The following NRSN2 variants were observed in gnomAD, a reference collection of about 807,000 sequenced individuals.
NRSN2 encodes neurensin-2.
NRSN2 carries 10 observed loss-of-function variants against 11.1 expected under a neutral mutation model. The ratio of observed to expected loss-of-function variants is 0.90; its 90% CI spans 0.56 to 1.53. The LOEUF is 1.53. NRSN2 is among the 40% of genes most tolerant of loss of function. The pLI is 0.00. For synonymous variants in NRSN2, 100 were observed against 117.0 expected, an observed-to-expected ratio of 0.86 and a Z score of 0.94; for missense variants, 260 against 273.7, an observed-to-expected ratio of 0.95 and a Z score of 0.35.
intron 3 of NRSN2, 135 bp from the exon 4 acceptor site, chr20:349,501 CTG>C: frequency 3.1e-6 from 2 of 635,498 alleles, no homozygotes; most frequent in Non-Finnish European, 5.3e-6. Context: ...AAAGGCCAGA[CTG>C]TGCTATGCGT....
At chr20:352,964 T>C (rs1427048434) in intron 4 of NRSN2, among the ~76,000 whole-genome samples, 1 of 151,738 alleles carries the variant, frequency 6.6e-6, no homozygotes, top group African/African-American at 2.4e-5. Context: ...AAACACAGGG[T>C]TGGCCGGAGA....
At chr20:349,603 C>T in intron 3 of NRSN2, 35 bp from the exon 4 acceptor site, 30 of 1,561,838 alleles carry the variant, frequency 1.9e-5, no homozygotes, top group Non-Finnish European at 2.6e-5. Flanking sequence ...CCACTAATCC[C>T]TCCCTCCGTC....
At chr20:350,646 C>CAAAAAAAAAAAAAAAAAAAA (rs56188179) in intron 4 of NRSN2, among the ~76,000 whole-genome samples, 2 of 39,408 alleles carry the variant, frequency 5.1e-5, no homozygotes, top group Non-Finnish European at 8.0e-5. Flanking sequence ...GACTCTGTCT[C>CAAAAAAAAAAAAAAAAAAAA]AAAAAAAAAA....
intron 4 of NRSN2, 150 bp downstream of exon 4, chr20:349,982 A>G: frequency 1.7e-6 from 1 of 585,166 alleles, no homozygotes; most frequent in South Asian, 2.8e-5. Flanking sequence ...AAATGGGTTT[A>G]AATAATGAAG....
intron 4 of NRSN2, among the ~76,000 whole-genome samples, chr20:351,212 A>G (rs1674677229): frequency 6.6e-6 from 1 of 151,728 alleles, no homozygotes; most frequent in African/African-American, 2.4e-5. Flanking sequence ...CTGCACAACA[A>G]GAGTGAAACT....
chr20:351,021 G>A (rs1372611594), intron 4 of NRSN2, among the ~76,000 whole-genome samples: 1 of 152,210 alleles, frequency 6.6e-6, no homozygotes, highest in African/African-American at 2.4e-5. Flanking sequence ...CTGAGGTCAG[G>A]AGTTCGAGAC....
intron 2 of NRSN2, among the ~76,000 whole-genome samples, chr20:348,579 TTCTC>T (rs1194583802): frequency 2.0e-5 from 3 of 147,624 alleles, no homozygotes; most frequent in Non-Finnish European, 4.5e-5. Context: ...GTCTGTGTGT[TTCTC>T]TGTGCTGTTT....
rs775801314 is a variant in NRSN2 at position 347,752 on chromosome 20, C to T, written c.-122+240C>T. ...CCTGCCGCCCCTCGCCTCCTCCCTC[C>T]GCCGCAGTCTCCCCACGTCGGACAG... On this transcript the variant is annotated intron_variant, in intron 2 of 4. Transcript: ENST00000382285. This position sits in a 1 kb window ranked among gnomAD's most constrained non-coding sequence, Gnocchi z 7.0. 5.9e-5 allele frequency among the ~76,000 whole-genome samples: 9 copies of T among 152,094 alleles called. No homozygotes were observed. Among genetic ancestry groups the T allele is most frequent in the Non-Finnish European group, 1.2e-4 (8 of 67,998 alleles).
At chr20:349,442 G>T (rs1288241299) in intron 3 of NRSN2, 79 bp downstream of exon 3, 5 of 536,654 alleles carry the variant, frequency 9.3e-6, no homozygotes, top group Non-Finnish European at 1.7e-5. Flanking sequence ...GGCCTTCAGT[G>T]CATTGGCTCA....
Position 353,522 on chromosome 20 carries a change from C to G in NRSN2, c.502C>G (p.Gln168Glu). The change falls in exon 5 of 5, where the codon CAG becomes GAG. Residue 168 changes from glutamine to glutamate, a missense_variant. Physicochemically the swap from Gln to Glu is conservative, Grantham distance 29. Coordinates refer to ENST00000382285, the MANE Select transcript of NRSN2 (RefSeq NM_001323682.2). ...HVEVFGDEPE[Q>E]QLSPIFRNAS... ...GGAGGTCTTCGGGGATGAGCCAGAG[C>G]AGCAGTTGTCACCCATTTTCCGCAA... 5 of 1,614,184 alleles carry G rather than the reference C, an allele frequency of 3.1e-6. No individual in the cohort carries two copies. The highest frequency in any genetic ancestry group is 4.2e-6 in the Non-Finnish European group (5 of 1,180,030).
chr20:353,590 TG>T lies in NRSN2; in HGVS notation c.573del (p.Gln192AsnfsTer49). 6.2e-7 allele frequency: 1 copy of T among 1,614,182 alleles called. No homozygotes were observed. The highest frequency in any genetic ancestry group is 8.5e-7 in the Non-Finnish European group (1 of 1,180,030). On this transcript the variant is annotated frameshift_variant, in exon 5 of 5. Transcript: ENST00000382285. LOFTEE classifies it high-confidence loss of function. ...GGTTCTCGCCACCCGCCAGCCCCTT[TG>T]GGCAATCTTCTGTGCAGACTATCCA... ...SWFSPPASPF[G>X]QSSVQTIQPK...
In NRSN2 at chr20:349,525, C is replaced by T. The variant is rs2013746439; in HGVS notation, c.-6-113C>T. 8.9e-6 allele frequency: 7 copies of T among 787,150 alleles called. No individual in the cohort carries two copies. The Admixed American group carries it at 1.6e-4, about 18-fold the overall frequency. 48.8% of individuals were successfully genotyped at this position (787,150 alleles called of 1,614,324 possible). Reference sequence around the variant, plus strand: ...ACTGTGCTATGCGTGTAGGGTGTCTCGAGTGGGAGGAGAAGCGGGTGGGGC... The same window carrying T: ...ACTGTGCTATGCGTGTAGGGTGTCTTGAGTGGGAGGAGAAGCGGGTGGGGC... On this transcript the variant is annotated intron_variant, in intron 3 of 4. Transcript: ENST00000382285.
intron 3 of NRSN2, 57 bp from the exon 4 acceptor site, chr20:349,581 C>G: frequency 6.9e-7 from 1 of 1,449,290 alleles, no homozygotes; most frequent in Non-Finnish European, 9.4e-7. Context: ...TGAAGGTCAC[C>G]ATGAGCAGCT....
At position 349,768 on chromosome 20, in the gene NRSN2, G is replaced by A; in HGVS notation, c.125G>A (p.Ser42Asn). The A allele has an allele frequency of 2.5e-6, 4 of 1,613,496 alleles. No individual in the cohort carries two copies. Among genetic ancestry groups the A allele is most frequent in the Non-Finnish European group, 3.4e-6 (4 of 1,180,020 alleles). ...GAGGACTGTGCAGGCACTGCTCTCA[G>A]CGACGACCCTGAGGGACCTCCGGTC... is the stretch of plus-strand genomic sequence containing the variant. ...FYEDCAGTAL[S>N]DDPEGPPVLC... Residue 42 changes from serine (S) to asparagine (N), a missense_variant, in exon 4 of 5, where the codon AGC (serine) becomes AAC (asparagine). By Grantham distance (46) the Ser-to-Asn change is conservative (BLOSUM62 1). Coordinates refer to ENST00000382285, the MANE Select transcript of NRSN2 (RefSeq NM_001323682.2).
chr20:353,930 C>T lies in NRSN2; in HGVS notation c.*295C>T. The T allele has an allele frequency of 4.5e-6, 2 of 447,512 alleles. No homozygotes were observed. The highest frequency in any genetic ancestry group is 3.0e-5 in the South Asian group (1 of 33,768). The allele number at this position is 447,512 out of a possible 1,614,324, so 27.7% of individuals were successfully genotyped here. ...CGTCCCCACTCCTTCCTCTGCATGA[C>T]CTTGGGCAAACCCTTGCCCTTTCAA... On this transcript the variant is annotated 3_prime_UTR_variant, in exon 5 of 5. Coordinates refer to ENST00000382285, the MANE Select transcript of NRSN2 (RefSeq NM_001323682.2).
Position 353,537 on chromosome 20 carries a change from A to C in NRSN2, c.517A>C (p.Ile173Leu). Residue 173 changes from isoleucine (I) to leucine (L), a missense_variant, in exon 5 of 5, where the codon ATT (isoleucine) becomes CTT (leucine). Ile to Leu is a conservative substitution (Grantham distance 5). Transcript: ENST00000382285. The part of the protein sequence containing the change: ...GDEPEQQLSP[I>L]FRNASGQSWF... ...TGAGCCAGAGCAGCAGTTGTCACCC[A>C]TTTTCCGCAATGCCAGTGGCCAGTC... 6.2e-7 allele frequency: 1 copy of C among 1,613,896 alleles called. No homozygotes were observed. The highest frequency in any genetic ancestry group is 8.5e-7 in the Non-Finnish European group (1 of 1,179,978).
chr20:353,745 C>A lies in NRSN2; in HGVS notation c.*110C>A. ...CCTTTTAGCAGGGTCCCTTTAGAGC[C>A]CAACTCCAGGTCAAATCTGGAGCTC... On this transcript the variant is annotated 3_prime_UTR_variant, in exon 5 of 5. Coordinates refer to ENST00000382285, the MANE Select transcript of NRSN2 (RefSeq NM_001323682.2). 1 of 1,171,904 alleles carries A rather than the reference C, an allele frequency of 8.5e-7. No homozygotes were observed. The highest frequency in any genetic ancestry group is 1.2e-6 in the Non-Finnish European group (1 of 844,580). 72.6% of individuals were successfully genotyped at this position (1,171,904 alleles called of 1,614,324 possible).
chr20:353,761 T>C lies in NRSN2; in HGVS notation c.*126T>C. 1 of 1,006,634 alleles carries C rather than the reference T, an allele frequency of 9.9e-7. No homozygotes were observed. Among genetic ancestry groups the C allele is most frequent in the Non-Finnish European group, 1.4e-6 (1 of 704,794 alleles). The allele number at this position is 1,006,634 out of a possible 1,614,324, so 62.4% of individuals were successfully genotyped here. ...CTTTAGAGCCCAACTCCAGGTCAAA[T>C]CTGGAGCTCAAATCCCAGTGCTCCC... On this transcript the variant is annotated 3_prime_UTR_variant, in exon 5 of 5. Transcript: ENST00000382285.
At position 347,348 on chromosome 20, in the gene NRSN2, G is replaced by A. The variant is rs1226256358; in HGVS notation, c.-200-86G>A. ...GCCCCATCGCCCCTCGACGCCTCAG[G>A]GTTGATAGGCTGGGTAGAGGCTTCA... On this transcript the variant is annotated intron_variant, in intron 1 of 4. Coordinates refer to ENST00000382285, the MANE Select transcript of NRSN2 (RefSeq NM_001323682.2). This position sits in a 1 kb window ranked among gnomAD's most constrained non-coding sequence, Gnocchi z 7.0. 6.6e-6 allele frequency: 1 copy of A among 152,138 alleles called. No individual in the cohort carries two copies. Among genetic ancestry groups the A allele is most frequent in the Non-Finnish European group, 1.5e-5 (1 of 68,188 alleles). 9.4% of individuals were successfully genotyped at this position (152,138 alleles called of 1,614,324 possible).
Sources: allele counts gnomAD v4.1 joint callset (sites outside exome capture counted in the v4.1 genomes callset), GRCh38; gene constraint gnomAD v4.1.1; non-coding constraint Gnocchi (gnomAD v3.1); transcripts MANE v1.5; gene names NCBI Gene and HGNC (gene_info 2026-07-23, HGNC 2026-07-21).